The following BANP variants were observed in gnomAD, a reference collection of about 807,000 sequenced individuals.
The protein encoded by BANP is BTG3 associated nuclear protein.
A neutral mutation model predicts 68.1 loss-of-function variants in BANP; 11 were observed. That is an observed-to-expected ratio of 0.16 (90% confidence interval 0.10 to 0.27). The LOEUF is 0.27. Among genes scored for constraint, BANP ranks in the 10% least tolerant of loss-of-function variants. The probability of loss-of-function intolerance (pLI) is 1.00; values close to 1 mark genes in which losing one functional copy is unlikely to be tolerated. For synonymous variants in BANP, 329 were observed against 303.2 expected (o/e 1.09, Z -0.88); for missense variants, 504 against 722.7 (o/e 0.70, Z 3.47).
At chr16:88,067,876 C>T (rs2089168790) in intron 12 of BANP, among the ~76,000 whole-genome samples, 1 of 152,228 alleles carries the variant, frequency 6.6e-6, no homozygotes, top group Non-Finnish European at 1.5e-5. Flanking sequence ...GACGATGCTC[C>T]CGGCTGAGCC....
At chr16:87,954,355 T>G (rs72628302) in intron 1 of BANP, among the ~76,000 whole-genome samples, 37,477 of 152,110 alleles carry the variant, frequency 0.25, 5,158 homozygotes, top group East Asian at 0.49. Context: ...CCAGCTCTCC[T>G]TTGTTCTGAT....
chr16:88,069,482 A>C (rs2089735215), intron 12 of BANP, among the ~76,000 whole-genome samples: 2 of 152,162 alleles, frequency 1.3e-5, no homozygotes, highest in Non-Finnish European at 1.5e-5. Context: ...CTCTCGAAGA[A>C]CCCAGGCTGG....
intron 11 of BANP, among the ~76,000 whole-genome samples, chr16:88,043,873 T>C (rs1260504088): frequency 2.0e-5 from 3 of 148,778 alleles, no homozygotes; most frequent in Non-Finnish European, 4.4e-5. Flanking sequence ...TTCAGAAGAT[T>C]CTGAAAAACA....
At chr16:88,065,856 T>C (rs2088405125) in intron 12 of BANP, among the ~76,000 whole-genome samples, 1 of 151,992 alleles carries the variant, frequency 6.6e-6, no homozygotes, top group Non-Finnish European at 1.5e-5. Context: ...GCCCACAGGA[T>C]CCCAGCCCCA....
At chr16:87,982,038 G>A (rs1331491530) in intron 3 of BANP, among the ~76,000 whole-genome samples, 3 of 152,216 alleles carry the variant, frequency 2.0e-5, no homozygotes, top group African/African-American at 7.2e-5. Flanking sequence ...TTAACAAGGA[G>A]AAGCAGTGTA....
intron 8 of BANP, among the ~76,000 whole-genome samples, chr16:88,027,978 C>T (rs777664776): frequency 1.3e-5 from 2 of 152,230 alleles, no homozygotes; most frequent in Non-Finnish European, 2.9e-5. Flanking sequence ...CACGATTTGC[C>T]GGGTGACTCC....
In BANP at chr16:88,071,270, A is replaced by AG; in HGVS notation, c.1378-798dup. ...AGTGAAGACCCCGTGGCTCATGTCAAGTGCCCTCAGGGCTGGGGCTGCCCA... is the reference window on the plus strand; with the variant it reads ...AGTGAAGACCCCGTGGCTCATGTCAAGGTGCCCTCAGGGCTGGGGCTGCCCA... On this transcript the variant is annotated intron_variant, in intron 12 of 13. Transcript: ENST00000682872. This position sits in a 1 kb window ranked among gnomAD's most constrained non-coding sequence, Gnocchi z 6.5. 3 of 360,198 alleles carry AG rather than the reference A, an allele frequency of 8.3e-6. No individual in the cohort carries two copies. The highest frequency in any genetic ancestry group is 1.6e-5 in the Non-Finnish European group (3 of 182,878). The allele number at this position is 360,198 out of a possible 1,614,324, so 22.3% of individuals were successfully genotyped here.
At chr16:87,978,522 T>C in intron 2 of BANP, 1 of 440,074 alleles carries the variant, frequency 2.3e-6, no homozygotes, top group South Asian at 1.6e-5. Context: ...CAGGCACTTG[T>C]AGGCATGGAG....
In BANP at chr16:88,035,135, A is replaced by C. The variant is rs1319458551; in HGVS notation, c.1201-188A>C. On this transcript the variant is annotated intron_variant, in intron 9 of 13. Transcript: ENST00000682872. ...GTGCTTCTTGAAACCCTCATGGATG[A>C]GGGGGACTACTGTGAACCAAAAGCT... 2.6e-5 allele frequency: 16 copies of C among 606,468 alleles called. No individual in the cohort carries two copies. In the Admixed American group the frequency reaches 4.7e-4, roughly 18 times the overall value. The allele number at this position is 606,468 out of a possible 1,614,324, so 37.6% of individuals were successfully genotyped here. A position where few individuals can be genotyped will look rare whatever the true frequency, so the allele number is the denominator to read the frequency against.
chr16:88,027,559 C>T lies in BANP; in HGVS notation c.972C>T (p.Arg324=). The stretch of plus-strand genomic sequence containing the variant: ...AGCAGAGCATCGACTCCAAGTGCCG[C>T]ACGGCGTGGCGGCGCAAGCAGCGGG... The part of the protein sequence containing the change: ...RIKQSIDSKC[R]TAWRRKQRGQ... The change falls in exon 8 of 14, where the codon CGC becomes CGT. Residue 324 remains arginine (R), a synonymous_variant. Coordinates refer to ENST00000682872, the MANE Select transcript of BANP (RefSeq NM_001386991.1). 6.2e-7 allele frequency: 1 copy of T among 1,614,030 alleles called. No individual in the cohort carries two copies. The highest frequency in any genetic ancestry group is 8.5e-7 in the Non-Finnish European group (1 of 1,179,920).
chr16:88,076,515 G>C, intron 13 of BANP, 75 bp from the exon 14 acceptor site: 1 of 1,318,360 alleles, frequency 7.6e-7, no homozygotes, highest in Non-Finnish European at 1.1e-6. Flanking sequence ...TAAAGTCACT[G>C]GCTGTTCATG....
intron 4 of BANP, among the ~76,000 whole-genome samples, chr16:87,998,232 G>C (rs1311344018): frequency 6.6e-6 from 1 of 152,186 alleles, no homozygotes; most frequent in African/African-American, 2.4e-5. Flanking sequence ...AGGCCACACG[G>C]AAAACTAAAG....
intron 11 of BANP, among the ~76,000 whole-genome samples, chr16:88,056,007 G>A (rs1332314381): frequency 2.6e-5 from 4 of 152,190 alleles, no homozygotes; most frequent in East Asian, 1.9e-4. Flanking sequence ...GGAGCTGCCC[G>A]CATGCCTCCT....
rs2085234934 is a variant in BANP at position 88,057,042 on chromosome 16, A to ATTT, written c.1312-8225_1312-8224insTTT. 6.6e-6 allele frequency among the ~76,000 whole-genome samples: 1 copy of ATTT among 152,246 alleles called. No individual in the cohort carries two copies. Among genetic ancestry groups the ATTT allele is most frequent in the Non-Finnish European group, 1.5e-5 (1 of 68,054 alleles). ...AGTGTGATTTCTGAATAACTTTACA[A>ATTT]ATCCTTTTGGTGGGATCCAAATGTG... is the stretch of plus-strand genomic sequence containing the variant. On this transcript the variant is annotated intron_variant, in intron 11 of 13. Transcript: ENST00000682872. This position sits in a 1 kb window ranked among gnomAD's most constrained non-coding sequence, Gnocchi z 4.6.
intron 11 of BANP, among the ~76,000 whole-genome samples, chr16:88,041,993 G>A (rs557026651): frequency 2.0e-5 from 3 of 152,178 alleles, no homozygotes; most frequent in African/African-American, 4.8e-5. Context: ...CAGTAGGAGC[G>A]TGGGAGACGC....
intron 11 of BANP, among the ~76,000 whole-genome samples, chr16:88,040,214 A>G (rs529516723): frequency 6.6e-6 from 1 of 150,950 alleles, no homozygotes; most frequent in Non-Finnish European, 1.5e-5. Flanking sequence ...TTTCTGGTGA[A>G]TCTGTGTAGC....
At chr16:88,044,309 A>G (rs1280595215) in intron 11 of BANP, among the ~76,000 whole-genome samples, 4 of 148,874 alleles carry the variant, frequency 2.7e-5, no homozygotes, top group African/African-American at 9.7e-5. Context: ...GCACACACAC[A>G]GTCGGAACAG....
At chr16:88,022,382 C>G (rs1323893534) in intron 7 of BANP, among the ~76,000 whole-genome samples, 1 of 152,180 alleles carries the variant, frequency 6.6e-6, no homozygotes, top group East Asian at 1.9e-4. Flanking sequence ...TGGCCGATCC[C>G]CATGAGACCT....
intron 2 of BANP, among the ~76,000 whole-genome samples, chr16:87,978,903 G>T (rs1281906836): frequency 6.6e-6 from 1 of 152,198 alleles, no homozygotes; most frequent in African/African-American, 2.4e-5. Flanking sequence ...CCAGCTCAGG[G>T]CGGCCACAGT....
Sources: gnomAD v4.1 joint callset for allele counts (sites outside exome capture counted in the v4.1 genomes callset) on GRCh38, gnomAD v4.1.1 for gene constraint, Gnocchi (gnomAD v3.1) non-coding constraint, MANE v1.5 for transcripts, NCBI Gene and HGNC (gene_info 2026-07-23, HGNC 2026-07-21) for gene names.